ATP8B4: variants seen among roughly 807,000 people sequenced by gnomAD.
The protein encoded by ATP8B4 is probable phospholipid-transporting ATPase IM.
A neutral mutation model predicts 145.6 loss-of-function variants in ATP8B4; 133 were observed. The observed-to-expected ratio is 0.91, with a 90% CI of 0.79 to 1.05. The LOEUF (loss-of-function observed/expected upper bound fraction) is 1.05, where lower values mean the gene tolerates loss of function less well. Among genes scored for constraint, ATP8B4 ranks in the 50% least tolerant of loss-of-function variants. The pLI is 0.00. For synonymous variants in ATP8B4, 507 were observed against 492.9 expected (o/e 1.03, Z -0.38); for missense variants, 1,458 against 1,425.2 (o/e 1.02, Z -0.37).
intron 15 of ATP8B4, among the ~76,000 whole-genome samples, chr15:49,932,667 C>A (rs537342554): frequency 6.6e-6 from 1 of 152,036 alleles, no homozygotes; most frequent in Admixed American, 6.6e-5. Context: ...CATTAGCCAG[C>A]ATTTGCCTTG....
chr15:50,003,020 A>C (rs2048020195), intron 7 of ATP8B4, among the ~76,000 whole-genome samples: 1 of 152,170 alleles, frequency 6.6e-6, no homozygotes, highest in African/African-American at 2.4e-5. Context: ...TGTTTTTATA[A>C]AATTTTGAAG....
chr15:50,038,652 T>G, intron 6 of ATP8B4, 116 bp downstream of exon 6: 1 of 769,372 alleles, frequency 1.3e-6, no homozygotes, highest in Non-Finnish European at 2.1e-6. Flanking sequence ...CAATTTTTAA[T>G]AAATTAAAGG....
At chr15:50,069,292 A>C (rs2053576833) in intron 3 of ATP8B4, among the ~76,000 whole-genome samples, 1 of 152,136 alleles carries the variant, frequency 6.6e-6, no homozygotes, top group African/African-American at 2.4e-5. Flanking sequence ...CTTATCTTTT[A>C]TGTTCTAAAC....
At chr15:50,050,060 C>T (rs1410685358) in intron 3 of ATP8B4, among the ~76,000 whole-genome samples, 2 of 152,192 alleles carry the variant, frequency 1.3e-5, no homozygotes, top group Non-Finnish European at 2.9e-5. Flanking sequence ...TACTTGAGAA[C>T]CACTCATAGG....
chr15:50,135,886 A>T (rs2044115201), intron 1 of ATP8B4, among the ~76,000 whole-genome samples: 1 of 152,254 alleles, frequency 6.6e-6, no homozygotes, highest in South Asian at 2.1e-4. Context: ...TCACTGGTAA[A>T]CTCATATCTC....
intron 6 of ATP8B4, among the ~76,000 whole-genome samples, chr15:50,015,756 G>A (rs1383091504): frequency 1.3e-5 from 2 of 152,184 alleles, no homozygotes; most frequent in Non-Finnish European, 2.9e-5. Context: ...TAACAGACTG[G>A]TGAACAGGAT....
chr15:49,998,164 T>C (rs9302151), intron 8 of ATP8B4, among the ~76,000 whole-genome samples: 103,912 of 152,118 alleles, frequency 0.68, 37,735 homozygotes, highest in East Asian at 0.99. Flanking sequence ...CTCAGTTCTA[T>C]CTTCAAATGT....
chr15:50,077,946 AAGGAGAGGCCTGGC>A (rs773848770), intron 2 of ATP8B4, among the ~76,000 whole-genome samples: 23 of 152,152 alleles, frequency 1.5e-4, no homozygotes, highest in Non-Finnish European at 2.5e-4. Flanking sequence ...CTCCTGTTCA[AAGGAGAGGCCTGGC>A]AGAGAAAAAG....
At chr15:49,880,629 G>A (rs987925702) in intron 23 of ATP8B4, 1 of 152,098 alleles carries the variant, frequency 6.6e-6, no homozygotes, top group Admixed American at 6.5e-5. Flanking sequence ...AGACAATGGT[G>A]GAAGTGGGAA....
intron 2 of ATP8B4, among the ~76,000 whole-genome samples, chr15:50,094,470 T>C (rs1206621531): frequency 2.6e-5 from 4 of 151,732 alleles, no homozygotes; most frequent in Admixed American, 6.6e-5. Context: ...ATAGCATTTA[T>C]ACATAATATA....
At chr15:50,018,322 C>T (rs1412358119) in intron 6 of ATP8B4, among the ~76,000 whole-genome samples, 4 of 152,018 alleles carry the variant, frequency 2.6e-5, no homozygotes, top group Non-Finnish European at 4.4e-5. Context: ...CTGGCATATG[C>T]GGTATCATCA....
chr15:50,160,218 C>T (rs899216298), intron 1 of ATP8B4, among the ~76,000 whole-genome samples: 2 of 151,524 alleles, frequency 1.3e-5, no homozygotes, highest in East Asian at 1.9e-4. Context: ...TGATCCTTTC[C>T]ATTTCTGCAG....
chr15:50,033,304 TA>T (rs2050589923), intron 6 of ATP8B4, among the ~76,000 whole-genome samples: 1 of 152,196 alleles, frequency 6.6e-6, no homozygotes, highest in Non-Finnish European at 1.5e-5. Flanking sequence ...ATTTAAAATC[TA>T]AAAGTGTCAG....
intron 3 of ATP8B4, among the ~76,000 whole-genome samples, chr15:50,062,759 A>C (rs1197425684): frequency 6.6e-6 from 1 of 152,174 alleles, no homozygotes; most frequent in African/African-American, 2.4e-5. Context: ...TAATTTTCTC[A>C]TATCAGAGTA....
rs770817855 is a variant in ATP8B4 at position 50,169,660 on chromosome 15, T to C, written c.-43+12601A>G. ...AAAGATCACACTAGTTCACCAGCAA[T>C]GAATCCAAACCAAGAAGAAATCCCT... On this transcript the variant is annotated intron_variant, in intron 1 of 3. Coordinates refer to the ATP8B4 transcript ENST00000558829. 1.5e-3 allele frequency among the ~76,000 whole-genome samples: 224 copies of C among 152,214 alleles called. 2 individuals are homozygous for C. Among genetic ancestry groups the C allele is most frequent in the Middle Eastern group, 3.4e-3 (1 of 294 alleles).
chr15:49,885,626 T>G (rs2036089857), intron 23 of ATP8B4, among the ~76,000 whole-genome samples: 1 of 152,174 alleles, frequency 6.6e-6, no homozygotes, highest in South Asian at 2.1e-4. Context: ...TTCCCATAGA[T>G]GCACCATAGA....
intron 2 of ATP8B4, among the ~76,000 whole-genome samples, chr15:50,081,710 T>TA (rs1442049021): frequency 6.6e-6 from 1 of 152,094 alleles, no homozygotes; most frequent in Non-Finnish European, 1.5e-5. Flanking sequence ...AGAGCAAGAG[T>TA]AAAGGGAAGA....
intron 14 of ATP8B4, among the ~76,000 whole-genome samples, chr15:49,944,673 A>T (rs752178703): frequency 6.6e-6 from 1 of 152,124 alleles, no homozygotes; most frequent in Non-Finnish European, 1.5e-5. Flanking sequence ...ACAGATCAAT[A>T]AGGAAACAGA....
intron 19 of ATP8B4, among the ~76,000 whole-genome samples, chr15:49,917,546 C>T (rs1215070046): frequency 6.6e-6 from 1 of 152,118 alleles, no homozygotes; most frequent in Non-Finnish European, 1.5e-5. Context: ...ACAACATTGC[C>T]ATTTTCCCAT....
Sources: allele counts gnomAD v4.1 joint callset (sites outside exome capture counted in the v4.1 genomes callset), GRCh38; gene constraint gnomAD v4.1.1; transcripts MANE v1.5; gene names NCBI Gene and HGNC (gene_info 2026-07-23, HGNC 2026-07-21).